PAX7: variants seen among roughly 807,000 people sequenced by gnomAD.
PAX7 encodes the protein paired box 7, also known as paired box protein Pax-7.
In PAX7, 18 loss-of-function variants were observed where a neutral mutation model predicts 50.7. That is an observed-to-expected ratio of 0.36 (90% CI 0.25 to 0.53). The LOEUF (loss-of-function observed/expected upper bound fraction) is 0.53. Among genes scored for constraint, PAX7 ranks in the 20% least tolerant of loss-of-function variants. The pLI is 0.93. For missense variants in PAX7, 644 were observed against 702.9 expected, an observed-to-expected ratio of 0.92 and a Z score of 0.95; for synonymous variants, 310 against 290.4, an observed-to-expected ratio of 1.07 and a Z score of -0.69.
At chr1:18,693,602 C>T (rs1386472135) in intron 5 of PAX7, among the ~76,000 whole-genome samples, 1 of 152,236 alleles carries the variant, frequency 6.6e-6, no homozygotes. Flanking sequence ...TCCTCACTCC[C>T]AGATTAGGGG....
rs746973018 is a variant in PAX7 at position 18,691,971 on chromosome 1, G to A, written c.786+18G>A. ...GTGTGCAGGTGAGGAGGCACCTGCG[G>A]TGTCGGTGCTGCAGATATACTCCAG... On this transcript the variant is annotated intron_variant, in intron 5 of 8. Transcript: ENST00000420770. The A allele has an allele frequency of 1.1e-5, 18 of 1,605,626 alleles. No individual in the cohort carries two copies. In the Admixed American group the frequency reaches 1.9e-4, roughly 17 times the overall value.
rs187349468 is a variant in PAX7, at chr1:18,661,606, G to C, written c.586+25235G>C. 1.4e-3 allele frequency among the ~76,000 whole-genome samples: 208 copies of C among 152,330 alleles called. 1 individual carries two copies. Among genetic ancestry groups the C allele is most frequent in the African/African-American group, 4.1e-3 (169 of 41,570 alleles). On this transcript the variant is annotated intron_variant, in intron 4 of 8. Coordinates refer to ENST00000420770, the MANE Select transcript of PAX7 (RefSeq NM_001135254.2). ...TCAGTGTTCTCATCTGTAAAATAGG[G>C]CTAACAACACCCACCTCACAGTGTC... is the stretch of plus-strand genomic sequence containing the variant.
intron 7 of PAX7, among the ~76,000 whole-genome samples, chr1:18,730,129 C>G (rs376924308): frequency 1.7e-3 from 260 of 152,306 alleles, no homozygotes; most frequent in Non-Finnish European, 2.9e-3. Flanking sequence ...ATGCACCAGG[C>G]ATGGCACATC....
rs537218521 is a variant in PAX7 at position 18,712,026 on chromosome 1, C to T, written c.1155+8730C>T. 1.6e-4 allele frequency among the ~76,000 whole-genome samples: 25 copies of T among 152,188 alleles called. 1 individual carries two copies. The highest frequency in any genetic ancestry group is 5.9e-5 in the Non-Finnish European group (4 of 68,042). ...CTGCCCGTCCACTCTGCTCATCAGG[C>T]AGCCCCCAATCCCCCAGGGCTTTTT... On this transcript the variant is annotated intron_variant, in intron 7 of 8. Coordinates refer to ENST00000420770, the MANE Select transcript of PAX7 (RefSeq NM_001135254.2).
intron 7 of PAX7, among the ~76,000 whole-genome samples, chr1:18,706,548 G>A (rs540157539): frequency 2.6e-4 from 38 of 144,288 alleles, no homozygotes; most frequent in Admixed American, 1.9e-3. Context: ...TGCAACCTCC[G>A]CCTCCTGGGT....
intron 7 of PAX7, among the ~76,000 whole-genome samples, chr1:18,712,861 C>T (rs889917094): frequency 1.3e-5 from 2 of 152,034 alleles, no homozygotes; most frequent in Non-Finnish European, 2.9e-5. Flanking sequence ...GCGGGCGGAT[C>T]GCTTGAGGTC....
chr1:18,741,793 A>G (rs1342720454), intron 8 of PAX7, among the ~76,000 whole-genome samples: 1 of 152,194 alleles, frequency 6.6e-6, no homozygotes, highest in Non-Finnish European at 1.5e-5. Context: ...CATGGGATCA[A>G]TGCAGAATTT....
At chr1:18,698,217 G>T (rs986744854) in intron 5 of PAX7, among the ~76,000 whole-genome samples, 1 of 151,172 alleles carries the variant, frequency 6.6e-6, no homozygotes, top group Admixed American at 6.6e-5. Context: ...ACGAAATCAA[G>T]TGTTTTAAAA....
At chr1:18,638,814 C>A (rs1205668593) in intron 4 of PAX7, among the ~76,000 whole-genome samples, 1 of 152,190 alleles carries the variant, frequency 6.6e-6, no homozygotes, top group African/African-American at 2.4e-5. Context: ...GGTCGGCAGG[C>A]ACCCCTGTGA....
intron 7 of PAX7, among the ~76,000 whole-genome samples, chr1:18,723,176 A>G (rs2089515785): frequency 6.6e-6 from 1 of 151,712 alleles, no homozygotes. Flanking sequence ...TCTGCTGCTC[A>G]CAGGGCTTCT....
intron 4 of PAX7, among the ~76,000 whole-genome samples, chr1:18,682,428 G>A (rs1310868704): frequency 6.6e-6 from 1 of 152,148 alleles, no homozygotes; most frequent in Non-Finnish European, 1.5e-5. Flanking sequence ...CCCCATGGAG[G>A]GGGAGGAGCC....
At chr1:18,692,038 G>T in intron 5 of PAX7, 85 bp downstream of exon 5, 1 of 1,278,056 alleles carries the variant, frequency 7.8e-7, no homozygotes, top group South Asian at 1.4e-5. Flanking sequence ...TGGGTTTAAT[G>T]GGACCCCTCG....
At chr1:18,733,704 C>T (rs1232308219) in intron 7 of PAX7, among the ~76,000 whole-genome samples, 1 of 152,224 alleles carries the variant, frequency 6.6e-6, no homozygotes, top group Admixed American at 6.5e-5. Context: ...CCCCACCCCA[C>T]TCACCCCACA....
At position 18,631,288 on chromosome 1, in the gene PAX7, G is replaced by C. The variant is rs1170064832; in HGVS notation, c.-316G>C. 3 of 283,362 alleles carry C rather than the reference G, an allele frequency of 1.1e-5. No homozygotes were observed. The highest frequency in any genetic ancestry group is 6.4e-5 in the African/African-American group (3 of 46,822). 17.6% of individuals were successfully genotyped at this position (283,362 alleles called of 1,614,324 possible). On this transcript the variant is annotated 5_prime_UTR_variant, in exon 1 of 9. Transcript: ENST00000420770. ...CGGGTTCTGCCAGGCGCATCAGCCC[G>C]CACAACTTCTGGCCGAGGCCAGCCG...
intron 7 of PAX7, among the ~76,000 whole-genome samples, chr1:18,717,495 G>A (rs11261052): frequency 6.6e-6 from 1 of 152,044 alleles, no homozygotes; most frequent in Non-Finnish European, 1.5e-5. Context: ...AGCCAGCTCT[G>A]CTCATCTCTC....
chr1:18,678,467 G>T (rs546597158), intron 4 of PAX7, among the ~76,000 whole-genome samples: 1 of 152,070 alleles, frequency 6.6e-6, no homozygotes, highest in African/African-American at 2.4e-5. Context: ...CCCTGCCCTC[G>T]AGTAATGCCC....
intron 4 of PAX7, among the ~76,000 whole-genome samples, chr1:18,681,794 C>T (rs1334028834): frequency 6.7e-6 from 1 of 149,540 alleles, no homozygotes; most frequent in Non-Finnish European, 1.5e-5. Context: ...TCTTGTTGCC[C>T]AGGCTGGAGT....
chr1:18,721,856 C>T (rs2236820), intron 7 of PAX7, among the ~76,000 whole-genome samples: 11,395 of 152,218 alleles, frequency 0.075, 741 homozygotes, highest in African/African-American at 0.17. Context: ...AGAGTCATAA[C>T]TAGGGACATT....
intron 4 of PAX7, among the ~76,000 whole-genome samples, chr1:18,642,137 T>A (rs1255406722): frequency 6.6e-6 from 1 of 151,106 alleles, no homozygotes; most frequent in Admixed American, 6.6e-5. Flanking sequence ...ACATTATATA[T>A]AAATAATATT....
Sources: gnomAD v4.1 joint callset for allele counts (sites outside exome capture counted in the v4.1 genomes callset) on GRCh38, gnomAD v4.1.1 for gene constraint, MANE v1.5 for transcripts, NCBI Gene and HGNC (gene_info 2026-07-23, HGNC 2026-07-21) for gene names.